Variants in SAG observed in about 807,000 individuals in gnomAD.
The protein encoded by SAG is S-arrestin.
In SAG, 45 loss-of-function variants were observed where a neutral mutation model predicts 55.0. The observed-to-expected ratio is 0.82, with a 90% CI of 0.64 to 1.05. The LOEUF (loss-of-function observed/expected upper bound fraction) is 1.05, where lower values mean the gene tolerates loss of function less well. SAG is among the 50% of genes least tolerant of loss of function. The pLI is 0.00. For synonymous variants in SAG, 189 were observed against 197.4 expected (o/e 0.96, Z 0.36); for missense variants, 455 against 512.1 (o/e 0.89, Z 1.08).
At chr2:233,336,285 C>T (rs576226078) in intron 11 of SAG, among the ~76,000 whole-genome samples, 4 of 152,088 alleles carry the variant, frequency 2.6e-5, no homozygotes, top group South Asian at 2.1e-4. Context: ...GAGGCTGAGG[C>T]GGGTGGATCA....
intron 2 of SAG, among the ~76,000 whole-genome samples, chr2:233,315,726 G>A (rs1279209846): frequency 1.7e-4 from 25 of 143,112 alleles, no homozygotes; most frequent in African/African-American, 5.8e-4. Context: ...TTTTTGAGAC[G>A]GAGTCTCACT....
rs745461889 is a variant in SAG at position 233,327,168 on chromosome 2, C to T, written c.483C>T (p.Thr161=). 52 of 1,613,624 alleles carry T rather than the reference C, an allele frequency of 3.2e-5. No homozygotes were observed. The highest frequency in any genetic ancestry group is 4.2e-5 in the Non-Finnish European group (49 of 1,179,788). The part of the protein sequence containing the change: ...FEVKAFATDS[T]DAEEDKIPKK... ...TCAAAGCATTCGCCACAGACAGCAC[C>T]GATGCCGAAGAGGACAAAATCCCCA... The change falls in exon 7 of 16, where the codon ACC becomes ACT. Residue 161 remains threonine (T), a synonymous_variant. Transcript: ENST00000409110.
chr2:233,331,600 GA>G lies in SAG; in HGVS notation c.734-39del, dbSNP rs753009252. On this transcript the variant is annotated intron_variant, in intron 9 of 15. Coordinates refer to ENST00000409110, the MANE Select transcript of SAG (RefSeq NM_000541.5). Reference sequence around the variant, plus strand: ...CGCAGGGAAAGTGCACGTGTTGGGGGACCAGTGCTGACCACCGGACTCCCGT... The same window carrying G: ...CGCAGGGAAAGTGCACGTGTTGGGGGCCAGTGCTGACCACCGGACTCCCGT... The G allele has an allele frequency of 2.2e-6, 3 of 1,346,732 alleles. No homozygotes were observed. In the African/African-American group the frequency reaches 4.3e-5, roughly 19 times the overall value. The allele number at this position is 1,346,732 out of a possible 1,614,324, so 83.4% of individuals were successfully genotyped here.
Position 233,308,816 on chromosome 2 carries a change from A to G in SAG, c.-28-346A>G, listed in dbSNP as rs3762588. Reference sequence around the variant, plus strand: ...GATTTATTCGCCATTAGACACAGTCACGATAGAACTTTAAATTCAACCTGG... The same window carrying G: ...GATTTATTCGCCATTAGACACAGTCGCGATAGAACTTTAAATTCAACCTGG... On this transcript the variant is annotated intron_variant, in intron 1 of 15. Transcript: ENST00000409110. Among the ~76,000 whole-genome samples, 1,082 of 152,332 alleles carry G rather than the reference A, an allele frequency of 7.1e-3. 86 individuals are homozygous for G. The East Asian group carries it at 0.18, about 25-fold the overall frequency.
At chr2:233,327,359 G>A (rs1700594572) in intron 7 of SAG, 162 bp downstream of exon 7, 2 of 523,816 alleles carry the variant, frequency 3.8e-6, no homozygotes, top group Non-Finnish European at 6.9e-6. Flanking sequence ...TCATTTTTGG[G>A]GAAAAAAAAG....
chr2:233,326,004 C>T (rs765791527), intron 6 of SAG, among the ~76,000 whole-genome samples: 34 of 150,832 alleles, frequency 2.3e-4, no homozygotes, highest in Non-Finnish European at 4.3e-4. Flanking sequence ...TCATATGTCA[C>T]CATGGACAGA....
At chr2:233,341,985 A>G (rs999393197) in intron 13 of SAG, among the ~76,000 whole-genome samples, 3 of 152,112 alleles carry the variant, frequency 2.0e-5, no homozygotes, top group African/African-American at 7.2e-5. Context: ...TAGCCAGGCC[A>G]TGGTGGCATG....
At chr2:233,328,738 T>G in intron 8 of SAG, 125 bp downstream of exon 8, 6 of 1,104,796 alleles carry the variant, frequency 5.4e-6, no homozygotes, top group Non-Finnish European at 6.4e-6. Context: ...GTTTCTAGGA[T>G]AAAGCACCAA....
chr2:233,338,524 C>T (rs1701006378), intron 11 of SAG, 152 bp from the exon 12 acceptor site: 1 of 673,604 alleles, frequency 1.5e-6, no homozygotes, highest in Non-Finnish European at 2.7e-6. Flanking sequence ...TCCCCAAGTA[C>T]ATGAACTTCT....
chr2:233,309,445 C>A (rs769927174), intron 2 of SAG, among the ~76,000 whole-genome samples, 181 bp downstream of exon 2: 4 of 151,778 alleles, frequency 2.6e-5, no homozygotes, highest in African/African-American at 9.7e-5. Flanking sequence ...GCCAGGAGTT[C>A]GAGACCAGCC....
intron 6 of SAG, among the ~76,000 whole-genome samples, chr2:233,326,607 G>A (rs924110638): frequency 4.7e-5 from 7 of 149,258 alleles, no homozygotes; most frequent in African/African-American, 4.9e-5. Context: ...AAAAAAAATC[G>A]TGCTGCCCGC....
At chr2:233,338,997 G>A in intron 12 of SAG, 1 of 603,420 alleles carries the variant, frequency 1.7e-6, no homozygotes, top group Admixed American at 2.4e-5. Flanking sequence ...GCGCCACTTT[G>A]CAAAAATACG....
At chr2:233,336,479 C>T (rs1700932422) in intron 11 of SAG, among the ~76,000 whole-genome samples, 1 of 151,286 alleles carries the variant, frequency 6.6e-6, no homozygotes, top group Non-Finnish European at 1.5e-5. Flanking sequence ...CGTGCCATTG[C>T]ACTCCAGCCT....
At chr2:233,324,812 G>A (rs936291504) in intron 6 of SAG, among the ~76,000 whole-genome samples, 2 of 152,234 alleles carry the variant, frequency 1.3e-5, no homozygotes, top group Non-Finnish European at 2.9e-5. Context: ...GGGATGGGCA[G>A]TGATAGGTGA....
intron 10 of SAG, chr2:233,334,402 A>G (rs554090067): frequency 1.3e-5 from 2 of 152,478 alleles, no homozygotes; most frequent in East Asian, 1.9e-4. Context: ...TGAGAAATCT[A>G]TACCCCGACT....
At chr2:233,323,863 T>C (rs1247909746) in intron 6 of SAG, among the ~76,000 whole-genome samples, 1 of 151,930 alleles carries the variant, frequency 6.6e-6, no homozygotes, top group Non-Finnish European at 1.5e-5. Flanking sequence ...TAAACCCAAA[T>C]AACAAGGAAC....
chr2:233,335,888 A>C (rs1700910055), intron 11 of SAG, among the ~76,000 whole-genome samples: 1 of 152,200 alleles, frequency 6.6e-6, no homozygotes, highest in Admixed American at 6.5e-5. Context: ...CTGTGGCCCC[A>C]GTAGACCACC....
intron 10 of SAG, 32 bp downstream of exon 10, chr2:233,331,744 G>C (rs1317099523): frequency 1.3e-6 from 2 of 1,513,666 alleles, no homozygotes; most frequent in African/African-American, 2.7e-5. Flanking sequence ...CGTTTCCTGG[G>C]CGTCTCAGCC....
intron 1 of SAG, among the ~76,000 whole-genome samples, chr2:233,308,420 TTGTGGCAC>T: frequency 6.6e-6 from 1 of 152,052 alleles, no homozygotes; most frequent in Non-Finnish European, 1.5e-5. Context: ...TGAGCTATGA[TTGTGGCAC>T]TGCCCTCCAG....
Sources: allele counts gnomAD v4.1 joint callset (sites outside exome capture counted in the v4.1 genomes callset), GRCh38; gene constraint gnomAD v4.1.1; transcripts MANE v1.5; gene names NCBI Gene and HGNC (gene_info 2026-07-23, HGNC 2026-07-21).